The following HPSE2 variants were observed in gnomAD, a reference collection of about 807,000 sequenced individuals.
The protein encoded by HPSE2 is inactive heparanase-2.
Under a neutral mutation model 60.5 loss-of-function variants are expected in HPSE2, and 38 were observed. That is an observed-to-expected ratio of 0.63 (90% CI 0.48 to 0.82). HPSE2 has a LOEUF of 0.82. Among genes scored for constraint, HPSE2 ranks in the 40% least tolerant of loss-of-function variants. The pLI, the probability that HPSE2 is intolerant of heterozygous loss-of-function variation, is 0.00. For missense variants in HPSE2, 713 were observed against 740.4 expected (o/e 0.96, Z 0.43); for synonymous variants, 295 against 293.2 (o/e 1.01, Z -0.06).
chr10:98,527,850 G>A (rs563823), intron 9 of HPSE2, among the ~76,000 whole-genome samples: 135,614 of 152,086 alleles, frequency 0.89, 60,959 homozygotes, highest in East Asian at 1. Flanking sequence ...TGCCCAGCAT[G>A]TTTAAAAACT....
At chr10:98,588,757 G>GGAT (rs1047523744) in intron 9 of HPSE2, among the ~76,000 whole-genome samples, 1 of 151,768 alleles carries the variant, frequency 6.6e-6, no homozygotes, top group Non-Finnish European at 1.5e-5. Context: ...TCAGGGATGG[G>GGAT]GATGACTGAG....
chr10:99,180,448 T>G (rs941776530), intron 2 of HPSE2, among the ~76,000 whole-genome samples: 4 of 152,064 alleles, frequency 2.6e-5, no homozygotes, highest in Non-Finnish European at 5.9e-5. Context: ...GTGAAGGATA[T>G]GAACAGACAC....
chr10:98,545,556 C>T (rs1245074496), intron 9 of HPSE2, among the ~76,000 whole-genome samples: 2 of 152,150 alleles, frequency 1.3e-5, no homozygotes, highest in Non-Finnish European at 2.9e-5. Context: ...ACAAAAACCA[C>T]ATGATTATCT....
At position 98,646,026 on chromosome 10, in the gene HPSE2, A is replaced by G. The variant is rs146433585; in HGVS notation, c.1005-4086T>C. 3.1e-3 allele frequency among the ~76,000 whole-genome samples: 468 copies of G among 152,332 alleles called. 2 individuals are homozygous for G. The highest frequency in any genetic ancestry group is 0.027 in the Middle Eastern group (8 of 294). On this transcript the variant is annotated intron_variant, in intron 6 of 11. Transcript: ENST00000370552. The stretch of plus-strand genomic sequence containing the variant: ...AGAAAAACCCATAGGGTATGAATTT[A>G]TCAATGCCTAAACCTTTTTCTTAGA...
chr10:98,698,862 C>T (rs1319947961), intron 5 of HPSE2, among the ~76,000 whole-genome samples: 2 of 152,186 alleles, frequency 1.3e-5, no homozygotes, highest in East Asian at 1.9e-4. Context: ...ACTACAAACA[C>T]CTCTACACAA....
intron 1 of HPSE2, among the ~76,000 whole-genome samples, chr10:99,234,149 T>C (rs1849760871): frequency 6.6e-6 from 1 of 152,210 alleles, no homozygotes; most frequent in Non-Finnish European, 1.5e-5. Context: ...AAGAGGAAGC[T>C]GGGCCGCGCG....
At chr10:99,041,322 G>A (rs1352333868) in intron 3 of HPSE2, among the ~76,000 whole-genome samples, 2 of 152,122 alleles carry the variant, frequency 1.3e-5, no homozygotes, top group Non-Finnish European at 2.9e-5. Flanking sequence ...GAGCAGAGAG[G>A]AGCGAGGCAG....
intron 3 of HPSE2, among the ~76,000 whole-genome samples, chr10:99,117,086 C>A (rs1451240599): frequency 6.6e-6 from 1 of 151,946 alleles, no homozygotes; most frequent in Non-Finnish European, 1.5e-5. Flanking sequence ...CCAGAGAATA[C>A]CTTTTTTTGC....
intron 2 of HPSE2, among the ~76,000 whole-genome samples, chr10:99,164,227 TTATATATATATATATATA>T (rs60497589): frequency 0.052 from 1,770 of 33,968 alleles, 63 homozygotes; most frequent in African/African-American, 0.091. Flanking sequence ...TATTCAAGCA[TTATATATATATATATATA>T]TATATATATA....
intron 3 of HPSE2, among the ~76,000 whole-genome samples, chr10:99,035,258 C>T (rs1290310789): frequency 6.6e-6 from 1 of 152,168 alleles, no homozygotes; most frequent in Non-Finnish European, 1.5e-5. Flanking sequence ...ATTCTATAAA[C>T]GTTTTTCTAT....
intron 3 of HPSE2, among the ~76,000 whole-genome samples, chr10:98,795,019 A>AGAAGGAAGGAAGGAAG (rs562332918): frequency 0.14 from 7,640 of 56,072 alleles, 952 homozygotes; most frequent in Non-Finnish European, 0.16. Context: ...AGAGAGAGAG[A>AGAAGGAAGGAAGGAAG]GAAGGAAGGA....
chr10:99,179,484 C>T (rs1456290090), intron 2 of HPSE2, among the ~76,000 whole-genome samples: 1 of 152,002 alleles, frequency 6.6e-6, no homozygotes, highest in Non-Finnish European at 1.5e-5. Context: ...AACAGAGAGC[C>T]AAATCATGAG....
At chr10:98,949,262 A>G (rs1284722282) in intron 3 of HPSE2, among the ~76,000 whole-genome samples, 1 of 116,196 alleles carries the variant, frequency 8.6e-6, no homozygotes, top group African/African-American at 3.4e-5. Flanking sequence ...ACACACACAC[A>G]CACACACACA....
At chr10:98,719,974 C>T (rs769726399) in intron 5 of HPSE2, among the ~76,000 whole-genome samples, 5 of 151,972 alleles carry the variant, frequency 3.3e-5, no homozygotes, top group Admixed American at 1.3e-4. Context: ...GCACTCCAGC[C>T]TGGCTGACAG....
chr10:98,815,248 C>G (rs897881229), intron 3 of HPSE2, among the ~76,000 whole-genome samples: 1 of 152,192 alleles, frequency 6.6e-6, no homozygotes, highest in Non-Finnish European at 1.5e-5. Context: ...CACCACTGCA[C>G]TCCAGCCTGG....
At position 98,821,656 on chromosome 10, in the gene HPSE2, G is replaced by T. The variant is rs117498356; in HGVS notation, c.611-77600C>A. Among the ~76,000 whole-genome samples, 33 of 152,230 alleles carry T rather than the reference G, an allele frequency of 2.2e-4. 1 individual carries two copies. In the East Asian group the frequency reaches 6.4e-3, roughly 29 times the overall value. On this transcript the variant is annotated intron_variant, in intron 3 of 11. Coordinates refer to ENST00000370552, the MANE Select transcript of HPSE2 (RefSeq NM_021828.5). ...TACACCAACAGCCGTTACGCCTTTG[G>T]GGTTGTTCGTGATTTTGGTGTGCTT...
At chr10:99,052,225 A>G (rs1012688038) in intron 3 of HPSE2, among the ~76,000 whole-genome samples, 2 of 152,044 alleles carry the variant, frequency 1.3e-5, no homozygotes, top group African/African-American at 4.8e-5. Context: ...TAAGTAAAAA[A>G]GATTATAAAA....
intron 10 of HPSE2, among the ~76,000 whole-genome samples, chr10:98,488,596 C>T (rs1409893216): frequency 2.0e-5 from 3 of 152,194 alleles, no homozygotes; most frequent in Non-Finnish European, 2.9e-5. Flanking sequence ...CTCAGATTAG[C>T]GGTATAAAGA....
chr10:98,582,238 T>C (rs771284952), intron 9 of HPSE2, among the ~76,000 whole-genome samples: 2 of 152,220 alleles, frequency 1.3e-5, no homozygotes, highest in Non-Finnish European at 2.9e-5. Context: ...ATGCTCTATT[T>C]CTGTTGGACA....
Sources: allele counts gnomAD v4.1 joint callset (sites outside exome capture counted in the v4.1 genomes callset), GRCh38; gene constraint gnomAD v4.1.1; transcripts MANE v1.5; gene names NCBI Gene and HGNC (gene_info 2026-07-23, HGNC 2026-07-21).